Variants in MTCL3 observed in about 807,000 individuals in gnomAD.
MTCL3 encodes microtubule cross-linking factor 3.
chr6:127,499,526 C>G, the MTCL3 span, among the ~76,000 whole-genome samples: 4 of 152,172 alleles, frequency 2.6e-5, no homozygotes, highest in Admixed American at 1.3e-4. Flanking sequence ...ATATGATTAT[C>G]AAATCTATAA....
chr6:127,502,593 C>T, the MTCL3 span, among the ~76,000 whole-genome samples: 2 of 152,120 alleles, frequency 1.3e-5, no homozygotes, highest in South Asian at 2.1e-4. Context: ...AAAGAAAAAG[C>T]ATTTCAAAGT....
the MTCL3 span, chr6:127,475,459 A>G: frequency 2.9e-5 from 46 of 1,613,298 alleles, no homozygotes; most frequent in East Asian, 8.9e-5. This position sits in a 1 kb window ranked among gnomAD's most constrained non-coding sequence, Gnocchi z 7.3. Flanking sequence ...CTCCTCGTCC[A>G]TGAGTCCGAA....
the MTCL3 span, chr6:127,513,115 T>G: frequency 1.9e-5 from 27 of 1,419,096 alleles, no homozygotes; most frequent in African/African-American, 2.5e-4. Context: ...TAAAATTGTA[T>G]TCCTATTGAA....
the MTCL3 span, among the ~76,000 whole-genome samples, chr6:127,485,924 A>C: frequency 6.6e-6 from 1 of 152,320 alleles, no homozygotes; most frequent in South Asian, 2.1e-4. Flanking sequence ...AAATTTCAAC[A>C]GAAATAAAAC....
chr6:127,478,622 G>A, the MTCL3 span, among the ~76,000 whole-genome samples: 5 of 152,186 alleles, frequency 3.3e-5, no homozygotes, highest in South Asian at 4.1e-4. Context: ...TTGGCACTTA[G>A]AGCTCAGGTC....
At chr6:127,480,961 G>A in the MTCL3 span, among the ~76,000 whole-genome samples, 2 of 152,162 alleles carry the variant, frequency 1.3e-5, no homozygotes, top group Admixed American at 1.3e-4. Context: ...AAATGCTACA[G>A]TATACTTATA....
the MTCL3 span, chr6:127,473,414 A>G: frequency 9.5e-6 from 14 of 1,473,988 alleles, no homozygotes; most frequent in Admixed American, 2.6e-5. Context: ...ATGCAAAGAC[A>G]AAGAGAAGAG....
the MTCL3 span, chr6:127,515,580 C>A: frequency 6.9e-7 from 1 of 1,444,776 alleles, no homozygotes. This position sits in a 1 kb window ranked among gnomAD's most constrained non-coding sequence, Gnocchi z 4.3. Context: ...GCTCTTGGAG[C>A]TGCTGCGGGT....
At chr6:127,483,108 A>G in the MTCL3 span, 1 of 719,548 alleles carries the variant, frequency 1.4e-6, no homozygotes, top group African/African-American at 1.9e-5. Context: ...TTCAATAATC[A>G]TAAAAGGAGG....
chr6:127,478,890 G>A, the MTCL3 span, among the ~76,000 whole-genome samples: 154 of 151,864 alleles, frequency 1.0e-3, 1 homozygote, highest in African/African-American at 3.3e-3. Context: ...GGTGGCATGC[G>A]CCTGTAGTCC....
chr6:127,476,345 T>G, the MTCL3 span: 1 of 1,614,210 alleles, frequency 6.2e-7, no homozygotes, highest in Non-Finnish European at 8.5e-7. This position sits in a 1 kb window ranked among gnomAD's most constrained non-coding sequence, Gnocchi z 4.4. Context: ...TAAAAGGATC[T>G]GTACTTCTGG....
the MTCL3 span, among the ~76,000 whole-genome samples, chr6:127,508,292 AT>A: frequency 6.6e-6 from 1 of 152,380 alleles, no homozygotes; most frequent in East Asian, 1.9e-4. Flanking sequence ...AAGAAAATAA[AT>A]AGGTAATTGT....
chr6:127,516,874 G>A, the MTCL3 span, among the ~76,000 whole-genome samples: 1 of 152,158 alleles, frequency 6.6e-6, no homozygotes, highest in Admixed American at 6.5e-5. Context: ...TTTTGCCCAG[G>A]GTGGCGCTGT....
At chr6:127,490,815 T>TCAAACAAA in the MTCL3 span, among the ~76,000 whole-genome samples, 1 of 151,898 alleles carries the variant, frequency 6.6e-6, no homozygotes, top group Non-Finnish European at 1.5e-5. Context: ...AGACTCCATC[T>TCAAACAAA]CAAACAAACA....
At chr6:127,498,604 T>C in the MTCL3 span, among the ~76,000 whole-genome samples, 1 of 152,150 alleles carries the variant, frequency 6.6e-6, no homozygotes, top group African/African-American at 2.4e-5. Context: ...AATGAAAACA[T>C]ATATCCACAC....
the MTCL3 span, chr6:127,482,959 T>G: frequency 6.2e-7 from 1 of 1,609,512 alleles, no homozygotes; most frequent in Non-Finnish European, 8.5e-7. This position sits in a 1 kb window ranked among gnomAD's most constrained non-coding sequence, Gnocchi z 4.1. Flanking sequence ...TGGCAAATCT[T>G]TGCTTCCTCT....
At chr6:127,475,194 A>C in the MTCL3 span, 1 of 1,335,736 alleles carries the variant, frequency 7.5e-7, no homozygotes, top group Non-Finnish European at 1.0e-6. This position sits in a 1 kb window ranked among gnomAD's most constrained non-coding sequence, Gnocchi z 7.3. Flanking sequence ...GCTTCCCTCA[A>C]GCGGGGCGCG....
chr6:127,476,122 A>G, the MTCL3 span: 2 of 1,614,096 alleles, frequency 1.2e-6, no homozygotes, highest in Non-Finnish European at 1.7e-6. This position sits in a 1 kb window ranked among gnomAD's most constrained non-coding sequence, Gnocchi z 4.4. Flanking sequence ...CTGCTCCCTC[A>G]TGAGCGGGTT....
the MTCL3 span, among the ~76,000 whole-genome samples, chr6:127,503,964 G>A: frequency 6.6e-6 from 1 of 151,946 alleles, no homozygotes; most frequent in Non-Finnish European, 1.5e-5. Flanking sequence ...TTTGTGCCCT[G>A]TTCTGTTTTG....
Sources: gnomAD v4.1 joint callset for allele counts (sites outside exome capture counted in the v4.1 genomes callset) on GRCh38, gnomAD v4.1.1 for gene constraint, Gnocchi (gnomAD v3.1) non-coding constraint, MANE v1.5 for transcripts, NCBI Gene and HGNC (gene_info 2026-07-23, HGNC 2026-07-21) for gene names.